GNA13: variants seen among roughly 807,000 people sequenced by gnomAD.
GNA13 encodes guanine nucleotide-binding protein subunit alpha-13.
In GNA13, 4 loss-of-function variants were observed where a neutral mutation model predicts 33.5. That is an observed-to-expected ratio of 0.12 (90% CI 0.06 to 0.27). The LOEUF is 0.27. GNA13 is among the 10% of genes least tolerant of loss of function. The pLI is 1.00. For missense variants in GNA13, 319 were observed against 487.2 expected (o/e 0.65, Z 3.25); for synonymous variants, 176 against 183.8 (o/e 0.96, Z 0.34).
At chr17:65,036,808 C>T (rs938852009) in intron 2 of GNA13, among the ~76,000 whole-genome samples, 1 of 152,218 alleles carries the variant, frequency 6.6e-6, no homozygotes, top group Admixed American at 6.5e-5. Context: ...GACCAGAACT[C>T]GACTACATGC....
In GNA13 at chr17:65,056,337, G is replaced by C; in HGVS notation, c.257C>G (p.Pro86Arg). 1 of 1,611,356 alleles carries C rather than the reference G, an allele frequency of 6.2e-7. No homozygotes were observed. Among genetic ancestry groups the C allele is most frequent in the Non-Finnish European group, 8.5e-7 (1 of 1,179,690 alleles). Reference sequence around the variant, plus strand: ...TTTGATCACGTTGCTGTAGATGGTGGGGCGGAACTCCTCGCGCGCGCGCTG... The same window carrying C: ...TTTGATCACGTTGCTGTAGATGGTGCGGCGGAACTCCTCGCGCGCGCGCTG... Reference protein sequence around the residue: ...FDQRAREEFRPTIYSNVIKGM... With the variant: ...FDQRAREEFRRTIYSNVIKGM... Residue 86 changes from proline to arginine, a missense_variant, in exon 1 of 4, where the codon CCC (proline) becomes CGC (arginine). Physicochemically the swap from Pro to Arg is moderately radical, Grantham distance 103. Transcript: ENST00000439174.
At chr17:65,016,657 C>T (rs183361911) in intron 3 of GNA13, among the ~76,000 whole-genome samples, 1 of 152,236 alleles carries the variant, frequency 6.6e-6, no homozygotes, top group Admixed American at 6.5e-5. Context: ...CCACTGCACC[C>T]GGCCAGAATT....
At position 65,012,821 on chromosome 17, in the gene GNA13, T is replaced by G. The variant is rs1004489448; in HGVS notation, c.*1436A>C. The stretch of plus-strand genomic sequence containing the variant: ...ATTTTCAGGAAAAGTAGAAAAGCTG[T>G]CAGACTTTTCAAGCTGTCGCCAGCC... On this transcript the variant is annotated 3_prime_UTR_variant, in exon 4 of 4. Transcript: ENST00000439174. 4.6e-6 allele frequency: 1 copy of G among 217,884 alleles called. No individual in the cohort carries two copies. The highest frequency in any genetic ancestry group is 9.2e-6 in the Non-Finnish European group (1 of 108,360). The allele number at this position is 217,884 out of a possible 1,614,324, so 13.5% of individuals were successfully genotyped here. A position where few individuals can be genotyped will look rare whatever the true frequency, so the allele number is the denominator to read the frequency against.
intron 2 of GNA13, among the ~76,000 whole-genome samples, chr17:65,037,436 T>C (rs1395455449): frequency 1.3e-5 from 2 of 152,174 alleles, no homozygotes; most frequent in African/African-American, 4.8e-5. Context: ...ATATCCAACT[T>C]TCCTGTGCCA....
At chr17:65,051,613 T>C (rs1225191736) in intron 2 of GNA13, among the ~76,000 whole-genome samples, 1 of 150,908 alleles carries the variant, frequency 6.6e-6, no homozygotes, top group Non-Finnish European at 1.5e-5. Flanking sequence ...CTCAAAAAAA[T>C]GCAAAAAAAC....
At chr17:65,031,896 A>AGAAAGAGAGAGAG (rs1907040820) in intron 2 of GNA13, among the ~76,000 whole-genome samples, 1 of 71,334 alleles carries the variant, frequency 1.4e-5, no homozygotes, top group Non-Finnish European at 3.0e-5. Context: ...GAGAGAGAGA[A>AGAAAGAGAGAGAG]AGAGAGAGAG....
Position 65,050,803 on chromosome 17 carries a change from G to A in GNA13, c.510+2699C>T, listed in dbSNP as rs550465352. On this transcript the variant is annotated intron_variant, in intron 2 of 3. Coordinates refer to ENST00000439174, the MANE Select transcript of GNA13 (RefSeq NM_006572.6). ...AAAAAAGAATCTCTGTCCTCCAGAA[G>A]TTTAAAATTAGGTCTTGCTCTGTTC... 2.0e-5 allele frequency among the ~76,000 whole-genome samples: 3 copies of A among 152,300 alleles called. No individual in the cohort carries two copies. In the South Asian group the frequency reaches 6.2e-4, roughly 32 times the overall value.
intron 2 of GNA13, among the ~76,000 whole-genome samples, chr17:65,033,258 G>T (rs1907116047): frequency 6.6e-6 from 1 of 152,012 alleles, no homozygotes; most frequent in Non-Finnish European, 1.5e-5. Context: ...GCCAAGGTGG[G>T]AGGATCGTTT....
At chr17:65,049,911 G>C (rs1907801892) in intron 2 of GNA13, among the ~76,000 whole-genome samples, 1 of 152,202 alleles carries the variant, frequency 6.6e-6, no homozygotes, top group Non-Finnish European at 1.5e-5. Context: ...GTAAGACCTA[G>C]TAACAGATAG....
At chr17:65,041,025 G>A (rs554840351) in intron 2 of GNA13, among the ~76,000 whole-genome samples, 21 of 152,224 alleles carry the variant, frequency 1.4e-4, no homozygotes, top group African/African-American at 5.1e-4. Context: ...TTCACATCAT[G>A]ATGCTTAAAT....
intron 1 of GNA13, among the ~76,000 whole-genome samples, chr17:65,054,749 G>A (rs1907977439): frequency 6.6e-6 from 1 of 152,194 alleles, no homozygotes; most frequent in African/African-American, 2.4e-5. Context: ...TGTTTACCAG[G>A]CTCACAGTCA....
chr17:65,019,028 C>T (rs560639881), intron 2 of GNA13, among the ~76,000 whole-genome samples: 34 of 152,134 alleles, frequency 2.2e-4, no homozygotes, highest in Non-Finnish European at 4.1e-4. Context: ...TAGTCCTCAC[C>T]CCCTGCGTTT....
intron 2 of GNA13, among the ~76,000 whole-genome samples, chr17:65,035,781 ATTTT>A (rs367585696): frequency 1.4e-5 from 2 of 146,798 alleles, no homozygotes; most frequent in African/African-American, 5.0e-5. Flanking sequence ...TTCGTTGTTA[ATTTT>A]TTTTTTTTTT....
At chr17:65,051,392 G>A (rs962845537) in intron 2 of GNA13, among the ~76,000 whole-genome samples, 1 of 152,200 alleles carries the variant, frequency 6.6e-6, no homozygotes, top group African/African-American at 2.4e-5. Flanking sequence ...AAGGCAGGCA[G>A]ATCACCTGAG....
chr17:65,035,816 C>G (rs1907227617), intron 2 of GNA13, among the ~76,000 whole-genome samples: 1 of 150,890 alleles, frequency 6.6e-6, no homozygotes, highest in African/African-American at 2.4e-5. Flanking sequence ...AAAGCAACGA[C>G]TTCAATTGTT....
chr17:65,035,505 GGAT>G (rs1907210413), intron 2 of GNA13, among the ~76,000 whole-genome samples: 1 of 152,094 alleles, frequency 6.6e-6, no homozygotes, highest in Admixed American at 6.5e-5. Context: ...GTGGCTAACT[GGAT>G]GATATTTTAC....
Position 65,010,509 on chromosome 17 carries a change from C to T in GNA13, c.*3748G>A, listed in dbSNP as rs915581246. On this transcript the variant is annotated 3_prime_UTR_variant, in exon 4 of 4. Coordinates refer to ENST00000439174, the MANE Select transcript of GNA13 (RefSeq NM_006572.6). Reference sequence around the variant, plus strand: ...TGTATCCTATCATTAAAAAACAAAACAAAACAAAACAAAACAGTGCTTTTA... The same window carrying T: ...TGTATCCTATCATTAAAAAACAAAATAAAACAAAACAAAACAGTGCTTTTA... Among the ~76,000 whole-genome samples, 7 of 151,516 alleles carry T rather than the reference C, an allele frequency of 4.6e-5. No individual in the cohort carries two copies. Among genetic ancestry groups the T allele is most frequent in the Non-Finnish European group, 1.0e-4 (7 of 67,914 alleles).
chr17:65,026,809 G>A (rs1053677857), intron 2 of GNA13, among the ~76,000 whole-genome samples: 2 of 152,088 alleles, frequency 1.3e-5, no homozygotes, highest in African/African-American at 2.4e-5. Context: ...ACGGAGTTTC[G>A]CTCTTGTTGC....
intron 2 of GNA13, among the ~76,000 whole-genome samples, chr17:65,044,365 G>A (rs1426905024): frequency 3.9e-5 from 6 of 152,198 alleles, no homozygotes; most frequent in Admixed American, 3.9e-4. Flanking sequence ...TTGTAAACAA[G>A]ATAGGTTCAC....
Sources: allele counts gnomAD v4.1 joint callset (sites outside exome capture counted in the v4.1 genomes callset), GRCh38; gene constraint gnomAD v4.1.1; transcripts MANE v1.5; gene names NCBI Gene and HGNC (gene_info 2026-07-23, HGNC 2026-07-21).